The following CEP170B variants were observed in gnomAD, a reference collection of about 807,000 sequenced individuals.
CEP170B encodes the protein centrosomal protein 170B.
Under a neutral mutation model 120.6 loss-of-function variants are expected in CEP170B, and 55 were observed. That is an observed-to-expected ratio of 0.46 (90% CI 0.37 to 0.57). The LOEUF is 0.57. Among genes scored for constraint, CEP170B ranks in the 20% least tolerant of loss-of-function variants. CEP170B has a pLI of 0.00. For missense variants in CEP170B, 2,212 were observed against 2,253.3 expected (o/e 0.98, Z 0.37); for synonymous variants, 1,033 against 954.5 (o/e 1.08, Z -1.52).
chr14:104,885,930 A>C, intron 10 of CEP170B, 110 bp from the exon 11 acceptor site: 2 of 962,544 alleles, frequency 2.1e-6, no homozygotes, highest in Non-Finnish European at 3.0e-6. Flanking sequence ...GGTGGCGCGC[A>C]TGCGTGGGGC....
Position 104,868,308 on chromosome 14 carries a change from C to T in CEP170B, c.-27-116C>T. ...GCCTGATGAGGCTGGAGCCCAGCTT[C>T]TCCGGAAGCTGCCAGCTTCCCTTAG... is the stretch of plus-strand genomic sequence containing the variant. On this transcript the variant is annotated intron_variant, in intron 1 of 18. Transcript: ENST00000414716. This position sits in a 1 kb window ranked among gnomAD's most constrained non-coding sequence, Gnocchi z 5.9. 1 of 717,830 alleles carries T rather than the reference C, an allele frequency of 1.4e-6. No individual in the cohort carries two copies. Among genetic ancestry groups the T allele is most frequent in the African/African-American group, 1.8e-5 (1 of 56,316 alleles). The allele number at this position is 717,830 out of a possible 1,614,324, so 44.5% of individuals were successfully genotyped here. A position where few individuals can be genotyped will look rare whatever the true frequency, so the allele number is the denominator to read the frequency against.
chr14:104,885,364 G>A lies in CEP170B; in HGVS notation c.1771-5G>A. Reference sequence around the variant, plus strand: ...TCGGTGCCTGGGACCATTTCCTCTTGGCAGGTCTTTGGGGTGTTGGAGTCC... The same window carrying A: ...TCGGTGCCTGGGACCATTTCCTCTTAGCAGGTCTTTGGGGTGTTGGAGTCC... On this transcript the variant is annotated splice_region_variant and splice_polypyrimidine_tract_variant and intron_variant, in intron 9 of 18. Coordinates refer to ENST00000414716, the MANE Select transcript of CEP170B (RefSeq NM_001112726.3). 1 of 1,554,220 alleles carries A rather than the reference G, an allele frequency of 6.4e-7. No homozygotes were observed. Among genetic ancestry groups the A allele is most frequent in the Non-Finnish European group, 8.7e-7 (1 of 1,151,516 alleles).
chr14:104,882,891 G>A (rs1219720694), intron 7 of CEP170B, 59 bp downstream of exon 7: 5 of 1,547,542 alleles, frequency 3.2e-6, no homozygotes, highest in East Asian at 2.3e-5. Context: ...GGTGTGTGAA[G>A]GGGATGGCCT....
At chr14:104,864,989 A>C (rs1490876944), upstream of CEP170B, among the ~76,000 whole-genome samples, 2 of 139,642 alleles carry the variant, frequency 1.4e-5, no homozygotes, top group Non-Finnish European at 3.1e-5. This position sits in a 1 kb window ranked among gnomAD's most constrained non-coding sequence, Gnocchi z 5.9. Flanking sequence ...ACGGGAGGGC[A>C]TGGGGTCTGC....
rs1399179014 is a variant in CEP170B, at chr14:104,891,418, G to A, written c.3879-1558G>A. On this transcript the variant is annotated intron_variant, in intron 13 of 18. Transcript: ENST00000414716. This position sits in a 1 kb window ranked among gnomAD's most constrained non-coding sequence, Gnocchi z 4.3. ...GAAGCCCATGAGGGACCTGGAAGGA[G>A]GTGGCCAGGAGCAGGCGGCCCTTAG... Among the ~76,000 whole-genome samples the A allele has an allele frequency of 1.3e-5, 2 of 152,110 alleles. No homozygotes were observed. The highest frequency in any genetic ancestry group is 1.5e-5 in the Non-Finnish European group (1 of 68,012).
chr14:104,884,531 C>T lies in CEP170B; in HGVS notation c.1752C>T (p.Ala584=), dbSNP rs9788594. The change falls in exon 9 of 19, where the codon GCC becomes GCT. Residue 584 remains alanine (A), a synonymous_variant. Coordinates refer to ENST00000414716, the MANE Select transcript of CEP170B (RefSeq NM_001112726.3). The stretch of plus-strand genomic sequence containing the variant: ...CGCAGGACACGGAGGTGGAGGAGGC[C>T]CGGAAGATGATCGACCAGGTGCAGC... ...TEAQDTEVEE[A]RKMIDQVFGV... 0.73 allele frequency: 1,108,223 copies of T among 1,525,212 alleles called. 418,573 individuals carry two copies. The highest frequency in any genetic ancestry group is 0.8 in the Middle Eastern group (4,516 of 5,632). 94.5% of individuals were successfully genotyped at this position (1,525,212 alleles called of 1,614,324 possible). A position where few individuals can be genotyped will look rare whatever the true frequency, so the allele number is the denominator to read the frequency against.
At chr14:104,883,784 TTTCC>T in intron 8 of CEP170B, 43 bp from the exon 9 acceptor site, 1 of 1,471,896 alleles carries the variant, frequency 6.8e-7, no homozygotes, top group Non-Finnish European at 9.1e-7. Flanking sequence ...TCGACAGCTG[TTTCC>T]TTTCTCTCGG....
At position 104,868,494 on chromosome 14, in the gene CEP170B, G is replaced by A. The variant is rs1318746433; in HGVS notation, c.44G>A (p.Arg15His). 10 of 1,549,440 alleles carry A rather than the reference G, an allele frequency of 6.5e-6. No homozygotes were observed. Among genetic ancestry groups the A allele is most frequent in the South Asian group, 1.2e-5 (1 of 84,018 alleles). ...TTCCTGGTGAGCAGCAGCGGCGCCCGCCACCGGCTCCCTCGGGAGCTCATC... is the reference window on the plus strand; with the variant it reads ...TTCCTGGTGAGCAGCAGCGGCGCCCACCACCGGCTCCCTCGGGAGCTCATC... The part of the protein sequence containing the change: ...SWFLVSSSGA[R>H]HRLPRELIFV... The change falls in exon 2 of 19, where the codon CGC becomes CAC. Residue 15 changes from arginine (R) to histidine (H), a missense_variant. Arg to His is a conservative substitution (Grantham distance 29, BLOSUM62 0). Coordinates refer to ENST00000414716, the MANE Select transcript of CEP170B (RefSeq NM_001112726.3). The surrounding 1 kb of genome is among the most constrained non-coding windows in gnomAD (Gnocchi z 5.9).
Position 104,886,328 on chromosome 14 carries a change from A to C in CEP170B, c.2089A>C (p.Met697Leu), listed in dbSNP as rs778149254. ...GCCGGAGGGGTCCCTGCCTGTGCGC[A>C]TGCGGCGACGGCTCCCTCAGCTGCC... ...GEPEGSLPVR[M>L]RRRLPQLPSE... Residue 697 changes from methionine to leucine, a missense_variant, in exon 12 of 19, where the codon ATG becomes CTG. Transcript: ENST00000414716. The C allele has an allele frequency of 1.9e-6, 3 of 1,555,758 alleles. No homozygotes were observed. Among genetic ancestry groups the C allele is most frequent in the Non-Finnish European group, 2.6e-6 (3 of 1,154,746 alleles).
intron 8 of CEP170B, 58 bp downstream of exon 8, chr14:104,883,566 G>A: frequency 6.8e-7 from 1 of 1,467,710 alleles, no homozygotes. Context: ...CCGGACTTTG[G>A]CTGGGTCTGC....
chr14:104,881,593 A>G (rs1055323229), intron 6 of CEP170B, among the ~76,000 whole-genome samples: 2 of 152,196 alleles, frequency 1.3e-5, no homozygotes, highest in Non-Finnish European at 2.9e-5. Flanking sequence ...TGTGAAACAC[A>G]TGCAGCTGGT....
intron 16 of CEP170B, 63 bp from the exon 17 acceptor site, chr14:104,894,222 G>T: frequency 7.8e-7 from 1 of 1,285,282 alleles, no homozygotes; most frequent in Non-Finnish European, 1.1e-6. Flanking sequence ...TGGGAGAATT[G>T]TGCCTCAGCT....
At chr14:104,881,071 G>A (rs147279795) in intron 6 of CEP170B, among the ~76,000 whole-genome samples, 29 of 152,328 alleles carry the variant, frequency 1.9e-4, no homozygotes, top group African/African-American at 6.3e-4. Flanking sequence ...ATGCTCCCTA[G>A]TATCAGGCAT....
chr14:104,886,242 G>T, intron 11 of CEP170B, 33 bp from the exon 12 acceptor site: 1 of 1,485,722 alleles, frequency 6.7e-7, no homozygotes, highest in East Asian at 2.4e-5. Flanking sequence ...GCAGACCAGC[G>T]GCCCTCTAAC....
At chr14:104,892,545 T>C (rs1050369534) in intron 13 of CEP170B, among the ~76,000 whole-genome samples, 1 of 151,762 alleles carries the variant, frequency 6.6e-6, no homozygotes, top group African/African-American at 2.4e-5. Context: ...CCCACTCCCT[T>C]CCTTGCCTCA....
intron 12 of CEP170B, 198 bp from the exon 13 acceptor site, chr14:104,889,422 T>C: frequency 7.2e-7 from 1 of 1,397,378 alleles, no homozygotes; most frequent in Non-Finnish European, 9.5e-7. Flanking sequence ...CCTGCAGCAC[T>C]GAGCCCTCTC....
chr14:104,887,179 G>A lies in CEP170B; in HGVS notation c.2940G>A (p.Arg980=), dbSNP rs1896569313. The change falls in exon 12 of 19, where the codon CGG becomes CGA. Residue 980 remains arginine, a synonymous_variant. Coordinates refer to ENST00000414716, the MANE Select transcript of CEP170B (RefSeq NM_001112726.3). The part of the protein sequence containing the change: ...GPSPTTPQPL[R]AQKEMSPSPP... Reference sequence around the variant, plus strand: ...GCCCCACAACCCCCCAGCCTCTGCGGGCACAGAAGGAGATGTCGCCATCCC... The same window carrying A: ...GCCCCACAACCCCCCAGCCTCTGCGAGCACAGAAGGAGATGTCGCCATCCC... 6.2e-7 allele frequency: 1 copy of A among 1,607,424 alleles called. No individual in the cohort carries two copies. The highest frequency in any genetic ancestry group is 1.1e-5 in the South Asian group (1 of 91,076).
In CEP170B at chr14:104,883,260, C is replaced by G; in HGVS notation, c.803C>G (p.Ser268Cys). Residue 268 changes from serine to cysteine, a missense_variant, in exon 8 of 19, where the codon TCC becomes TGC. Physicochemically the swap from Ser to Cys is moderately radical, Grantham distance 112. This residue lies in a region of CEP170B where 2,166 missense variants were observed against 2,166.7 expected (regional missense o/e 1.00). Transcript: ENST00000414716. ...GAAPVVQSHASFTIEFDDCSP... is the reference protein window; with the variant it reads ...GAAPVVQSHACFTIEFDDCSP... The stretch of plus-strand genomic sequence containing the variant: ...GCCCCTGTGGTGCAGAGCCACGCCT[C>G]CTTCACCATCGAGTTTGATGACTGC... 6.2e-7 allele frequency: 1 copy of G among 1,611,728 alleles called. No individual in the cohort carries two copies. The highest frequency in any genetic ancestry group is 8.5e-7 in the Non-Finnish European group (1 of 1,179,630).
Position 104,872,472 on chromosome 14 carries a change from T to TGTGTGC in CEP170B, c.106-3779_106-3778insCGTGTG, listed in dbSNP as rs386364346. 3.5e-4 allele frequency among the ~76,000 whole-genome samples: 19 copies of TGTGTGC among 54,740 alleles called. 1 individual carries two copies. The highest frequency in any genetic ancestry group is 7.2e-4 in the African/African-American group (19 of 26,374). The allele number at this position is 54,740 out of a possible 152,430, so 35.9% of individuals were successfully genotyped here. ...CATGTGTGTGCGTGTGGGTGTGCCGTGTGTGTGCGTGTGTGCCGTGTGTGT... is the reference window on the plus strand; with the variant it reads ...CATGTGTGTGCGTGTGGGTGTGCCGTGTGTGCGTGTGTGCGTGTGTGCCGTGTGTGT... On this transcript the variant is annotated intron_variant, in intron 2 of 18. Transcript: ENST00000414716.
Sources: gnomAD v4.1 joint callset for allele counts (sites outside exome capture counted in the v4.1 genomes callset) on GRCh38, gnomAD v4.1.1 for gene constraint, gnomAD v4.1.1 regional missense constraint, Gnocchi (gnomAD v3.1) non-coding constraint, MANE v1.5 for transcripts, NCBI Gene and HGNC (gene_info 2026-07-23, HGNC 2026-07-21) for gene names.